Variants in SAXO4 observed in about 807,000 individuals in gnomAD.
SAXO4 encodes the protein protein phosphatase 1 regulatory subunit 32.
At chr11:61,482,950 C>T in the SAXO4 span, 2 of 872,434 alleles carry the variant, frequency 2.3e-6, no homozygotes, top group Non-Finnish European at 3.4e-6. Context: ...ATCTTTCTCC[C>T]CTTTGTCCTC....
chr11:61,481,545 G>A, the SAXO4 span, among the ~76,000 whole-genome samples: 2 of 152,210 alleles, frequency 1.3e-5, no homozygotes, highest in Non-Finnish European at 2.9e-5. Flanking sequence ...GTGGTAAATG[G>A]GGACAGGAAG....
At chr11:61,487,419 G>A in the SAXO4 span, among the ~76,000 whole-genome samples, 13 of 152,320 alleles carry the variant, frequency 8.5e-5, no homozygotes, top group Middle Eastern at 3.4e-3. Context: ...GTTATTAGGC[G>A]TGTGGGAGTG....
At chr11:61,488,831 C>T in the SAXO4 span, 1 of 152,476 alleles carries the variant, frequency 6.6e-6, no homozygotes, top group Non-Finnish European at 1.5e-5. Flanking sequence ...GGAGCTCAGA[C>T]CTCTGCATGG....
At chr11:61,482,831 G>A in the SAXO4 span, 1 of 1,576,506 alleles carries the variant, frequency 6.3e-7, no homozygotes, top group South Asian at 1.2e-5. Context: ...CCAGGGCCAG[G>A]AGAGGGAAGC....
At chr11:61,485,817 C>T in the SAXO4 span, 61 of 1,613,568 alleles carry the variant, frequency 3.8e-5, no homozygotes, top group Non-Finnish European at 4.6e-5. Flanking sequence ...CAGAAGAAAT[C>T]GATCGGCGCA....
chr11:61,482,578 G>A, the SAXO4 span: 4 of 1,604,714 alleles, frequency 2.5e-6, no homozygotes, highest in Non-Finnish European at 3.4e-6. Flanking sequence ...TCTGTGGGAG[G>A]GTGCAGGGAG....
chr11:61,485,822 G>A, the SAXO4 span: 3,078 of 1,613,862 alleles, frequency 1.9e-3, 23 homozygotes, highest in South Asian at 0.014. Flanking sequence ...GAAATCGATC[G>A]GCGCAAAGGA....
the SAXO4 span, chr11:61,489,815 G>A: frequency 6.2e-7 from 1 of 1,614,002 alleles, no homozygotes; most frequent in Middle Eastern, 1.6e-4. Context: ...GTCTAGACCA[G>A]GAAGGCTGGA....
the SAXO4 span, chr11:61,486,879 C>A: frequency 2.3e-6 from 3 of 1,311,926 alleles, no homozygotes; most frequent in Non-Finnish European, 3.3e-6. Context: ...TCTGCCTGCT[C>A]CCCTCTCCAT....
the SAXO4 span, chr11:61,481,982 G>C: frequency 8.7e-7 from 1 of 1,153,658 alleles, no homozygotes; most frequent in Non-Finnish European, 1.3e-6. Flanking sequence ...GGCTCTCTCT[G>C]AGGGAGGAGC....
chr11:61,490,435 A>C, the SAXO4 span: 2 of 1,427,248 alleles, frequency 1.4e-6, no homozygotes, highest in Non-Finnish European at 9.9e-7. Flanking sequence ...CAGGCAGAAG[A>C]CAAGAAGACA....
chr11:61,489,905 C>T, the SAXO4 span: 1 of 1,613,472 alleles, frequency 6.2e-7, no homozygotes, highest in Non-Finnish European at 8.5e-7. Context: ...CCACCCCCAA[C>T]CCCATGGAGA....
At chr11:61,481,787 CT>C in the SAXO4 span, 1 of 1,395,192 alleles carries the variant, frequency 7.2e-7, no homozygotes. Flanking sequence ...TCTAGGCCCC[CT>C]GGGGCCCTGC....
At chr11:61,490,151 C>T in the SAXO4 span, among the ~76,000 whole-genome samples, 1 of 152,120 alleles carries the variant, frequency 6.6e-6, no homozygotes, top group Non-Finnish European at 1.5e-5. Context: ...TCAGATGGCT[C>T]CTCCTCCCTC....
chr11:61,481,740 C>T, the SAXO4 span: 1 of 870,648 alleles, frequency 1.1e-6, no homozygotes, highest in Non-Finnish European at 1.7e-6. Context: ...GGCTTCCGAG[C>T]CAGGCTTGGG....
chr11:61,484,447 G>C, the SAXO4 span, among the ~76,000 whole-genome samples: 1 of 152,194 alleles, frequency 6.6e-6, no homozygotes, highest in East Asian at 1.9e-4. Flanking sequence ...AAGGAGACAA[G>C]CAGCTAGAGC....
chr11:61,484,651 C>T, the SAXO4 span: 52 of 1,609,350 alleles, frequency 3.2e-5, 1 homozygote, highest in African/African-American at 5.3e-4. Flanking sequence ...GAGTGACTGC[C>T]GCCCCCTCAC....
chr11:61,484,832 G>C, the SAXO4 span: 1 of 1,559,182 alleles, frequency 6.4e-7, no homozygotes, highest in Non-Finnish European at 8.7e-7. Context: ...TGGCAGCCCA[G>C]CTAAGGGCTT....
the SAXO4 span, chr11:61,482,902 G>A: frequency 1.5e-6 from 2 of 1,354,014 alleles, no homozygotes; most frequent in Non-Finnish European, 2.0e-6. Context: ...GAGGTGACAG[G>A]GCATGGAGCA....
Sources: allele counts gnomAD v4.1 joint callset (sites outside exome capture counted in the v4.1 genomes callset), GRCh38; gene constraint gnomAD v4.1.1; transcripts MANE v1.5; gene names NCBI Gene and HGNC (gene_info 2026-07-23, HGNC 2026-07-21).